The following GULP1 variants were observed in gnomAD, a reference collection of about 807,000 sequenced individuals.
GULP1 encodes GULP PTB domain containing engulfment adaptor 1, also known as PTB domain-containing engulfment adapter protein 1.
A neutral mutation model predicts 40.9 loss-of-function variants in GULP1; 19 were observed. The observed-to-expected ratio is 0.46, with a 90% CI of 0.32 to 0.68. The LOEUF is 0.68. Ranked by LOEUF, GULP1 falls within the 30% of genes least tolerant of loss-of-function variation. The pLI is 0.03. For synonymous variants in GULP1, 119 were observed against 117.6 expected (o/e 1.01, Z -0.08); for missense variants, 312 against 362.2 (o/e 0.86, Z 1.12).
intron 1 of GULP1, among the ~76,000 whole-genome samples, chr2:188,369,123 G>A (rs914109798): frequency 3.3e-5 from 5 of 150,808 alleles, no homozygotes; most frequent in African/African-American, 1.2e-4. Flanking sequence ...ACCACACTCA[G>A]CTAATTTTTG....
intron 1 of GULP1, among the ~76,000 whole-genome samples, chr2:188,310,515 A>G (rs2037905576): frequency 6.6e-6 from 1 of 152,230 alleles, no homozygotes; most frequent in South Asian, 2.1e-4. Context: ...AAAATTCACC[A>G]AGACAAGGAA....
intron 4 of GULP1, among the ~76,000 whole-genome samples, chr2:188,518,156 C>T (rs1355062004): frequency 1.3e-5 from 2 of 152,046 alleles, no homozygotes; most frequent in African/African-American, 4.8e-5. Context: ...AGCCTTTAAC[C>T]AGTGTCTTAG....
intron 3 of GULP1, among the ~76,000 whole-genome samples, chr2:188,479,752 G>T (rs1175831232): frequency 2.0e-5 from 3 of 151,930 alleles, no homozygotes; most frequent in Admixed American, 2.0e-4. Context: ...CTGTTTATTT[G>T]AAGGGGGTTT....
intron 7 of GULP1, among the ~76,000 whole-genome samples, chr2:188,561,429 G>A (rs753825728): frequency 6.6e-6 from 1 of 152,188 alleles, no homozygotes; most frequent in East Asian, 1.9e-4. Flanking sequence ...GATGGGCTGG[G>A]TGAGCCAGTC....
At chr2:188,547,882 G>T (rs767555660) in intron 7 of GULP1, among the ~76,000 whole-genome samples, 1 of 151,986 alleles carries the variant, frequency 6.6e-6, no homozygotes, top group South Asian at 2.1e-4. Context: ...AAGAAGAAAC[G>T]TGATAATACC....
chr2:188,493,298 GA>G (rs58187482), intron 4 of GULP1, among the ~76,000 whole-genome samples: 134,863 of 151,896 alleles, frequency 0.89, 61,167 homozygotes, highest in South Asian at 0.99. Context: ...TTCTCCTGTA[GA>G]AAAAAATCTG....
At chr2:188,497,874 G>A (rs1253099005) in intron 4 of GULP1, among the ~76,000 whole-genome samples, 1 of 151,918 alleles carries the variant, frequency 6.6e-6, no homozygotes. Flanking sequence ...GCTCTCTAGG[G>A]TCCTTTGTTA....
intron 2 of GULP1, among the ~76,000 whole-genome samples, chr2:188,419,644 A>T (rs915625557): frequency 6.6e-6 from 1 of 151,124 alleles, no homozygotes; most frequent in Non-Finnish European, 1.5e-5. Context: ...ATTTCCTCCC[A>T]TTCTATAGTG....
At position 188,522,647 on chromosome 2, in the gene GULP1, T is replaced by C. The variant is rs568008113; in HGVS notation, c.91-109T>C. ...ATAATAATTCTATTTAATTAACATA[T>C]GAGTTTGCATTACTATTAAACCATT... On this transcript the variant is annotated intron_variant, in intron 4 of 11. Coordinates refer to ENST00000409830, the MANE Select transcript of GULP1 (RefSeq NM_016315.4). The C allele has an allele frequency of 1.0e-4, 49 of 472,830 alleles. No homozygotes were observed. The South Asian group carries it at 1.8e-3, about 18-fold the overall frequency. The allele number at this position is 472,830 out of a possible 1,614,324, so 29.3% of individuals were successfully genotyped here. A position where few individuals can be genotyped will look rare whatever the true frequency, so the allele number is the denominator to read the frequency against.
intron 2 of GULP1, among the ~76,000 whole-genome samples, chr2:188,394,962 A>G (rs1004895625): frequency 1.3e-5 from 2 of 152,122 alleles, no homozygotes; most frequent in South Asian, 2.1e-4. Flanking sequence ...GAACATTTTT[A>G]TGTATTTATT....
intron 3 of GULP1, 117 bp downstream of exon 3, chr2:188,477,847 T>G: frequency 4.2e-6 from 3 of 711,122 alleles, no homozygotes; most frequent in Non-Finnish European, 4.8e-6. Context: ...AGAAATGAAG[T>G]TAGATTAGAG....
intron 1 of GULP1, among the ~76,000 whole-genome samples, chr2:188,382,504 C>T (rs996583344): frequency 5.3e-5 from 8 of 152,168 alleles, no homozygotes; most frequent in Non-Finnish European, 1.0e-4. Context: ...ATAAACTTCT[C>T]GCATTGAAGT....
At chr2:188,508,188 G>A (rs1222018954) in intron 4 of GULP1, among the ~76,000 whole-genome samples, 1 of 151,650 alleles carries the variant, frequency 6.6e-6, no homozygotes, top group Admixed American at 6.6e-5. Context: ...AGTAGGGTTC[G>A]AACAAAACCC....
At chr2:188,431,870 TCTTA>T (rs999652264) in intron 2 of GULP1, among the ~76,000 whole-genome samples, 3 of 151,938 alleles carry the variant, frequency 2.0e-5, no homozygotes, top group African/African-American at 7.2e-5. Context: ...CAACTTTCTC[TCTTA>T]CTTACTGGTT....
chr2:188,445,155 G>C (rs2058275597), intron 2 of GULP1, among the ~76,000 whole-genome samples: 2 of 152,252 alleles, frequency 1.3e-5, no homozygotes, highest in Non-Finnish European at 1.5e-5. Context: ...TGTGATGGGT[G>C]CATAAACCTT....
chr2:188,441,318 G>A (rs2057913293), intron 2 of GULP1, among the ~76,000 whole-genome samples: 1 of 152,116 alleles, frequency 6.6e-6, no homozygotes. Flanking sequence ...GCTGTTCAGT[G>A]AATCATGTTG....
rs573366604 is a variant in GULP1, at chr2:188,302,166, A to G, written c.-172+10000A>G. On this transcript the variant is annotated intron_variant, in intron 1 of 11. Transcript: ENST00000409830. ...TAGATATGGTTAGTGCTATTAGTCT[A>G]TAAAAACTTATTATTCAAATCACCA... Among the ~76,000 whole-genome samples the G allele has an allele frequency of 1.7e-3, 255 of 152,256 alleles. 2 individuals are homozygous for G. The highest frequency in any genetic ancestry group is 5.0e-3 in the Admixed American group (76 of 15,282).
At chr2:188,390,211 G>A (rs1430674584) in intron 2 of GULP1, among the ~76,000 whole-genome samples, 1 of 152,104 alleles carries the variant, frequency 6.6e-6, no homozygotes, top group Non-Finnish European at 1.5e-5. Flanking sequence ...GTATTCCATA[G>A]ATATTGTACT....
At chr2:188,303,205 C>CTCTA (rs2036454052) in intron 1 of GULP1, among the ~76,000 whole-genome samples, 2 of 152,124 alleles carry the variant, frequency 1.3e-5, no homozygotes, top group South Asian at 4.1e-4. Context: ...TTGTAATGTG[C>CTCTA]TCTAATCAAA....
Sources: allele counts gnomAD v4.1 joint callset (sites outside exome capture counted in the v4.1 genomes callset), GRCh38; gene constraint gnomAD v4.1.1; transcripts MANE v1.5; gene names NCBI Gene and HGNC (gene_info 2026-07-23, HGNC 2026-07-21).